The following SYNDIG1 variants were observed in gnomAD, a reference collection of about 807,000 sequenced individuals.
SYNDIG1 encodes synapse differentiation-inducing gene protein 1.
In SYNDIG1, 9 loss-of-function variants were observed where a neutral mutation model predicts 19.4. The observed-to-expected ratio is 0.46, with a 90% confidence interval of 0.28 to 0.81. The LOEUF (loss-of-function observed/expected upper bound fraction) is 0.81. Ranked by LOEUF, SYNDIG1 falls within the 30% of genes least tolerant of loss-of-function variation. The pLI is 0.12. For missense variants in SYNDIG1, 311 were observed against 343.3 expected, an observed-to-expected ratio of 0.91 and a Z score of 0.74; for synonymous variants, 141 against 145.9, an observed-to-expected ratio of 0.97 and a Z score of 0.24.
Position 24,584,823 on chromosome 20 carries a change from CTCCTG to C in SYNDIG1, c.481-22_481-18del, listed in dbSNP as rs765518578. ...AGGATGACTCCTTTATTAATCTTCT[CTCCTG>C]TCCTGTCCTGCTGGTTCTCTCTTGC... On this transcript the variant is annotated intron_variant, in intron 2 of 3. Coordinates refer to ENST00000376862, the MANE Select transcript of SYNDIG1 (RefSeq NM_024893.3). 3.1e-6 allele frequency: 5 copies of C among 1,613,806 alleles called. No individual in the cohort carries two copies. In the African/African-American group the frequency reaches 5.3e-5, roughly 17 times the overall value.
At chr20:24,471,066 C>T (rs979889338) in intron 1 of SYNDIG1, among the ~76,000 whole-genome samples, 3 of 152,096 alleles carry the variant, frequency 2.0e-5, no homozygotes, top group African/African-American at 7.2e-5. Context: ...GTCCGTCTCC[C>T]TCCTACAGCC....
intron 3 of SYNDIG1, among the ~76,000 whole-genome samples, chr20:24,640,512 AGG>A (rs2059365214): frequency 6.9e-6 from 1 of 145,744 alleles, no homozygotes; most frequent in Admixed American, 6.8e-5. Flanking sequence ...GAAGGAAGGA[AGG>A]AAGGAAGGAA....
In SYNDIG1 at chr20:24,635,192, C is replaced by G. The variant is rs559127689; in HGVS notation, c.619-30154C>G. On this transcript the variant is annotated intron_variant, in intron 3 of 3. Coordinates refer to ENST00000376862, the MANE Select transcript of SYNDIG1 (RefSeq NM_024893.3). ...GGGCCGTGGGCCCAGGTGCTGGCTT[C>G]ACGGTGGTGACTCATGAACACACGA... Among the ~76,000 whole-genome samples, 4 of 152,348 alleles carry G rather than the reference C, an allele frequency of 2.6e-5. No homozygotes were observed. The East Asian group carries it at 7.7e-4, about 29-fold the overall frequency.
chr20:24,533,785 G>A (rs80051415), intron 1 of SYNDIG1, among the ~76,000 whole-genome samples: 4,968 of 152,260 alleles, frequency 0.033, 160 homozygotes, highest in Admixed American at 0.075. Flanking sequence ...TATGTGAGCC[G>A]TGATAGCACC....
chr20:24,622,546 C>T (rs1450369281), intron 3 of SYNDIG1, among the ~76,000 whole-genome samples: 1 of 152,214 alleles, frequency 6.6e-6, no homozygotes, highest in East Asian at 1.9e-4. Context: ...ATTAGATTCT[C>T]ATAGGAATGC....
At chr20:24,551,846 G>A (rs903616976) in intron 2 of SYNDIG1, among the ~76,000 whole-genome samples, 11 of 152,230 alleles carry the variant, frequency 7.2e-5, no homozygotes, top group African/African-American at 2.6e-4. Flanking sequence ...GAAGGACATA[G>A]TTTGTATAAT....
intron 3 of SYNDIG1, among the ~76,000 whole-genome samples, chr20:24,647,205 T>C (rs1470265497): frequency 1.3e-5 from 2 of 152,170 alleles, no homozygotes; most frequent in Non-Finnish European, 2.9e-5. Flanking sequence ...AGATATACTT[T>C]TAATTTTGCA....
At chr20:24,555,629 T>C (rs1358249391) in intron 2 of SYNDIG1, among the ~76,000 whole-genome samples, 1 of 152,252 alleles carries the variant, frequency 6.6e-6, no homozygotes, top group Non-Finnish European at 1.5e-5. Flanking sequence ...GTGAGTTTCT[T>C]AATCCTGAGT....
intron 3 of SYNDIG1, among the ~76,000 whole-genome samples, chr20:24,644,999 C>T (rs1452225711): frequency 6.6e-6 from 1 of 152,224 alleles, no homozygotes; most frequent in Non-Finnish European, 1.5e-5. Flanking sequence ...TGTAGAAAGT[C>T]ACACTACAGT....
intron 1 of SYNDIG1, among the ~76,000 whole-genome samples, chr20:24,486,393 T>G (rs1436306129): frequency 1.3e-5 from 2 of 152,238 alleles, no homozygotes; most frequent in African/African-American, 4.8e-5. Context: ...TGCTGCATGT[T>G]AGATTCACCT....
At chr20:24,548,963 A>G (rs1193811135) in intron 2 of SYNDIG1, among the ~76,000 whole-genome samples, 6 of 152,066 alleles carry the variant, frequency 3.9e-5, no homozygotes, top group Admixed American at 3.9e-4. Flanking sequence ...GGATATTCAT[A>G]TTCATGGGGT....
At chr20:24,470,009 G>A (rs2055373303) in intron 1 of SYNDIG1, among the ~76,000 whole-genome samples, 2 of 152,190 alleles carry the variant, frequency 1.3e-5, no homozygotes, top group Admixed American at 6.5e-5. Context: ...CAGAGAAAAT[G>A]CCCAGGAAGG....
Position 24,665,153 on chromosome 20 carries a change from G to A in SYNDIG1, c.619-193G>A, listed in dbSNP as rs193258264. Among the ~76,000 whole-genome samples, 64 of 152,192 alleles carry A rather than the reference G, an allele frequency of 4.2e-4. 1 individual carries two copies. In the East Asian group the frequency reaches 0.011, roughly 26 times the overall value. ...CTGCGGTGTGGGGGAGCAGCAGCAG[G>A]CCCCAGCCCCACATTTGTTTCTTGC... On this transcript the variant is annotated intron_variant, in intron 3 of 3. Coordinates refer to ENST00000376862, the MANE Select transcript of SYNDIG1 (RefSeq NM_024893.3).
intron 3 of SYNDIG1, among the ~76,000 whole-genome samples, chr20:24,659,082 T>A (rs1387940261): frequency 6.6e-6 from 1 of 152,130 alleles, no homozygotes; most frequent in East Asian, 1.9e-4. Flanking sequence ...CCTCCCGTTC[T>A]GTACTGCTGA....
At chr20:24,483,515 C>T (rs897301035) in intron 1 of SYNDIG1, among the ~76,000 whole-genome samples, 3 of 152,200 alleles carry the variant, frequency 2.0e-5, no homozygotes, top group African/African-American at 7.2e-5. Context: ...ATTATGTGCT[C>T]AGCCAGTGTT....
chr20:24,543,468 A>G lies in SYNDIG1; in HGVS notation c.371A>G (p.Asp124Gly). 1 of 1,613,474 alleles carries G rather than the reference A, an allele frequency of 6.2e-7. No individual in the cohort carries two copies. Among genetic ancestry groups the G allele is most frequent in the South Asian group, 1.1e-5 (1 of 91,064 alleles). Residue 124 changes from aspartate (D) to glycine (G), a missense_variant, in exon 2 of 4, where the codon GAC becomes GGC. Asp to Gly is a moderately conservative substitution (Grantham distance 94, BLOSUM62 -1). Coordinates refer to ENST00000376862, the MANE Select transcript of SYNDIG1 (RefSeq NM_024893.3). ...ATCGAGGACCGGTCGCCCACCAAAG[A>G]CAGCCTCGAGTACCCGGATGGGAAG... is the stretch of plus-strand genomic sequence containing the variant. Reference protein sequence around the residue: ...TFIEDRSPTKDSLEYPDGKFI... With the variant: ...TFIEDRSPTKGSLEYPDGKFI...
At chr20:24,661,863 G>C (rs12625030) in intron 3 of SYNDIG1, among the ~76,000 whole-genome samples, 2 of 151,936 alleles carry the variant, frequency 1.3e-5, no homozygotes, top group African/African-American at 2.4e-5. Flanking sequence ...CCTTCAGATA[G>C]AACCATTCCC....
rs368787048 is a variant in SYNDIG1 at position 24,543,131 on chromosome 20, G to A, written c.34G>A (p.Val12Met). Reference protein sequence around the residue: ...DGIIEQKSMLVHSKISDAGKR... With the variant: ...DGIIEQKSMLMHSKISDAGKR... Reference sequence around the variant, plus strand: ...CATCATTGAACAGAAGAGCATGCTGGTGCACAGTAAAATCAGTGATGCTGG... The same window carrying A: ...CATCATTGAACAGAAGAGCATGCTGATGCACAGTAAAATCAGTGATGCTGG... Residue 12 changes from valine (V) to methionine (M), a missense_variant, in exon 2 of 4, where the codon GTG (valine) becomes ATG (methionine). Physicochemically the swap from Val to Met is conservative, Grantham distance 21. Coordinates refer to ENST00000376862, the MANE Select transcript of SYNDIG1 (RefSeq NM_024893.3). The A allele has an allele frequency of 6.2e-7, 1 of 1,614,156 alleles. No homozygotes were observed. Among genetic ancestry groups the A allele is most frequent in the Non-Finnish European group, 8.5e-7 (1 of 1,180,026 alleles).
At chr20:24,628,440 G>A (rs763813154) in intron 3 of SYNDIG1, among the ~76,000 whole-genome samples, 8 of 152,140 alleles carry the variant, frequency 5.3e-5, no homozygotes, top group Non-Finnish European at 5.9e-5. Flanking sequence ...CAACTGAGGT[G>A]GCCTCACTAA....
Sources: allele counts gnomAD v4.1 joint callset (sites outside exome capture counted in the v4.1 genomes callset), GRCh38; gene constraint gnomAD v4.1.1; transcripts MANE v1.5; gene names NCBI Gene and HGNC (gene_info 2026-07-23, HGNC 2026-07-21).